TESC: variants seen among roughly 807,000 people sequenced by gnomAD.
TESC encodes the protein tescalcin.
TESC carries 19 observed loss-of-function variants against 31.0 expected under a neutral mutation model. That is an observed-to-expected ratio of 0.61 (90% confidence interval 0.43 to 0.90). The LOEUF is 0.90. TESC is among the 40% of genes least tolerant of loss of function. TESC has a pLI of 0.00. For missense variants in TESC, 248 were observed against 303.8 expected (o/e 0.82, Z 1.36); for synonymous variants, 109 against 114.8 (o/e 0.95, Z 0.32).
chr12:117,055,094 C>A (rs1363443116), intron 3 of TESC, among the ~76,000 whole-genome samples: 1 of 152,202 alleles, frequency 6.6e-6, no homozygotes, highest in African/African-American at 2.4e-5. Context: ...CCACACATCC[C>A]CTCAGTGCCC....
At chr12:117,088,694 A>AT (rs1955256905) in intron 1 of TESC, among the ~76,000 whole-genome samples, 1 of 151,904 alleles carries the variant, frequency 6.6e-6, no homozygotes, top group Admixed American at 6.6e-5. Context: ...AAAAAAAAAA[A>AT]AATGTACAAG....
intron 1 of TESC, among the ~76,000 whole-genome samples, chr12:117,094,130 T>C (rs1955359859): frequency 1.3e-5 from 2 of 152,196 alleles, no homozygotes; most frequent in South Asian, 4.1e-4. Context: ...CGGGACGCCT[T>C]CGCTCGGGCT....
intron 1 of TESC, among the ~76,000 whole-genome samples, chr12:117,088,775 T>C (rs1565976385): frequency 6.6e-6 from 1 of 152,046 alleles, no homozygotes; most frequent in Non-Finnish European, 1.5e-5. Flanking sequence ...AGATTCTACC[T>C]TCCATTACAA....
chr12:117,065,518 T>C (rs1954865068), intron 2 of TESC, among the ~76,000 whole-genome samples: 1 of 152,122 alleles, frequency 6.6e-6, no homozygotes, highest in African/African-American at 2.4e-5. Flanking sequence ...AAGCGGCATG[T>C]CTTATTGGAT....
At chr12:117,061,574 G>A (rs1188879080) in intron 2 of TESC, among the ~76,000 whole-genome samples, 2 of 151,986 alleles carry the variant, frequency 1.3e-5, no homozygotes, top group African/African-American at 2.4e-5. Flanking sequence ...GAATTGAGCT[G>A]GGGACACAGT....
chr12:117,097,924 T>C (rs552315806), intron 1 of TESC, among the ~76,000 whole-genome samples: 6 of 152,316 alleles, frequency 3.9e-5, no homozygotes, highest in South Asian at 4.1e-4. Flanking sequence ...GGGTACCATA[T>C]TATATATGCT....
At chr12:117,062,227 AT>A (rs921531635) in intron 2 of TESC, among the ~76,000 whole-genome samples, 177 of 147,592 alleles carry the variant, frequency 1.2e-3, no homozygotes, top group Non-Finnish European at 1.6e-3. Context: ...TATTTTCTTA[AT>A]TTTTTTTTTT....
intron 6 of TESC, 70 bp downstream of exon 6, chr12:117,046,489 G>A (rs1954560810): frequency 4.2e-6 from 6 of 1,443,822 alleles, no homozygotes; most frequent in East Asian, 5.0e-5. Context: ...GCCCCATGAG[G>A]CCTTCCAGAA....
intron 1 of TESC, among the ~76,000 whole-genome samples, chr12:117,078,335 A>G (rs1016353698): frequency 2.0e-5 from 3 of 152,132 alleles, no homozygotes; most frequent in African/African-American, 7.2e-5. Flanking sequence ...GCATGGTGGT[A>G]GGTACCTGTA....
intron 4 of TESC, 68 bp from the exon 5 acceptor site, chr12:117,046,906 A>T: frequency 6.7e-7 from 1 of 1,492,330 alleles, no homozygotes; most frequent in Non-Finnish European, 9.1e-7. Flanking sequence ...CCTGAAATGT[A>T]CACTAAACTA....
chr12:117,071,736 G>A (rs572519560), intron 2 of TESC, among the ~76,000 whole-genome samples: 49 of 152,248 alleles, frequency 3.2e-4, no homozygotes, highest in Non-Finnish European at 5.1e-4. Flanking sequence ...CAGGACCAAC[G>A]GCTCACATTT....
intron 4 of TESC, among the ~76,000 whole-genome samples, chr12:117,047,488 G>T (rs544244182): frequency 3.3e-5 from 5 of 151,954 alleles, no homozygotes; most frequent in African/African-American, 1.2e-4. Context: ...GTAGTGGCAC[G>T]ATCTGGGCTC....
At chr12:117,058,871 G>A (rs912614730) in intron 2 of TESC, among the ~76,000 whole-genome samples, 2 of 152,140 alleles carry the variant, frequency 1.3e-5, no homozygotes, top group South Asian at 4.1e-4. Context: ...TGCAGGCAGG[G>A]GCGTCAGCCA....
intron 3 of TESC, 51 bp from the exon 4 acceptor site, chr12:117,049,209 G>A: frequency 2.5e-6 from 4 of 1,611,476 alleles, no homozygotes; most frequent in African/African-American, 1.3e-5. Flanking sequence ...ACTGGATCTT[G>A]TCCTCTTGCT....
At chr12:117,053,759 C>T (rs1350826376) in intron 3 of TESC, among the ~76,000 whole-genome samples, 1 of 152,132 alleles carries the variant, frequency 6.6e-6, no homozygotes, top group African/African-American at 2.4e-5. Flanking sequence ...CGCACACACA[C>T]ATACACATAC....
At chr12:117,042,124 A>G (rs1465894512) in intron 6 of TESC, 130 bp from the exon 7 acceptor site, 7 of 920,398 alleles carry the variant, frequency 7.6e-6, no homozygotes, top group Non-Finnish European at 9.9e-6. Context: ...TTTGGGAGGA[A>G]TCACAAGAAG....
At chr12:117,083,353 A>G (rs1029636667) in intron 1 of TESC, among the ~76,000 whole-genome samples, 5 of 152,206 alleles carry the variant, frequency 3.3e-5, no homozygotes, top group Non-Finnish European at 7.3e-5. Context: ...TGCTGGAATT[A>G]CAGGCGTGAG....
chr12:117,048,315 C>G, intron 4 of TESC, among the ~76,000 whole-genome samples: 1 of 152,228 alleles, frequency 6.6e-6, no homozygotes, highest in East Asian at 1.9e-4. Flanking sequence ...GCCACCCGGG[C>G]TGTTCCCACC....
intron 1 of TESC, 28 bp downstream of exon 1, chr12:117,099,196 TC>T (rs1304999206): frequency 2.0e-6 from 3 of 1,473,902 alleles, no homozygotes; most frequent in Admixed American, 2.3e-5. Context: ...CCCGCCCCGG[TC>T]CCCGCGCCGC....
Sources: gnomAD v4.1 joint callset for allele counts (sites outside exome capture counted in the v4.1 genomes callset) on GRCh38, gnomAD v4.1.1 for gene constraint, MANE v1.5 for transcripts, NCBI Gene and HGNC (gene_info 2026-07-23, HGNC 2026-07-21) for gene names.